EDRF1: variants seen among roughly 807,000 people sequenced by gnomAD.
The protein encoded by EDRF1 is erythroid differentiation-related factor 1.
Under a neutral mutation model 148.7 loss-of-function variants are expected in EDRF1, and 69 were observed. The observed-to-expected ratio is 0.46, with a 90% CI of 0.38 to 0.57. The LOEUF is 0.57. Among genes scored for constraint, EDRF1 ranks in the 20% least tolerant of loss-of-function variants. EDRF1 has a pLI of 0.00. For missense variants in EDRF1, 1,118 were observed against 1,478.7 expected (o/e 0.76, Z 4.00); for synonymous variants, 515 against 532.8 (o/e 0.97, Z 0.46).
chr10:125,745,541 T>A lies in EDRF1; in HGVS notation c.2591-166T>A, dbSNP rs1226097070. ...TGAACTCATATGGACACGTTTACCT[T>A]CATGTAACAGGCATGGTGAGAGCAA... is the stretch of plus-strand genomic sequence containing the variant. On this transcript the variant is annotated intron_variant, in intron 18 of 24. Coordinates refer to ENST00000356792, the MANE Select transcript of EDRF1 (RefSeq NM_001202438.2). 4 of 682,948 alleles carry A rather than the reference T, an allele frequency of 5.9e-6. No individual in the cohort carries two copies. The East Asian group carries it at 1.1e-4, about 18-fold the overall frequency. The allele number at this position is 682,948 out of a possible 1,614,324, so 42.3% of individuals were successfully genotyped here.
chr10:125,725,470 G>A, intron 5 of EDRF1, 28 bp downstream of exon 5: 1 of 1,612,764 alleles, frequency 6.2e-7, no homozygotes, highest in South Asian at 1.1e-5. Flanking sequence ...TATCTCTAAA[G>A]AGAAAAAGGG....
At position 125,735,625 on chromosome 10, in the gene EDRF1, T is replaced by C. The variant is rs76449996; in HGVS notation, c.1498-19T>C. Reference sequence around the variant, plus strand: ...TTTTGATGACAGTAATTTACACATATTTCTCTCTTTTTCATAAGATTATTG... The same window carrying C: ...TTTTGATGACAGTAATTTACACATACTTCTCTCTTTTTCATAAGATTATTG... On this transcript the variant is annotated intron_variant, in intron 12 of 24. Coordinates refer to ENST00000356792, the MANE Select transcript of EDRF1 (RefSeq NM_001202438.2). The C allele has an allele frequency of 2.5e-3, 3,962 of 1,609,214 alleles. 92 individuals are homozygous for C. The African/African-American group carries it at 0.047, about 19-fold the overall frequency.
intron 6 of EDRF1, 105 bp downstream of exon 6, chr10:125,725,943 G>T: frequency 7.9e-7 from 1 of 1,270,266 alleles, no homozygotes. Flanking sequence ...GAAATATTCT[G>T]TCAGCTTATG....
intron 19 of EDRF1, 72 bp downstream of exon 19, chr10:125,746,002 C>T (rs1589855696): frequency 7.1e-7 from 1 of 1,418,302 alleles, no homozygotes; most frequent in East Asian, 2.3e-5. Flanking sequence ...GCCAGTTTCA[C>T]TAAAATACTA....
At chr10:125,753,558 G>A (rs542087945) in intron 23 of EDRF1, 136 bp from the exon 24 acceptor site, 594 of 910,226 alleles carry the variant, frequency 6.5e-4, no homozygotes, top group Non-Finnish European at 9.8e-4. Flanking sequence ...ATGATCATAG[G>A]TGTGCTTTTT....
intron 24 of EDRF1, chr10:125,761,153 T>G: frequency 3.0e-6 from 1 of 333,230 alleles, no homozygotes; most frequent in South Asian, 2.4e-5. Context: ...AATCTTAAGT[T>G]TATTAGATTC....
chr10:125,759,654 T>A (rs1850091199), intron 24 of EDRF1, among the ~76,000 whole-genome samples: 1 of 152,076 alleles, frequency 6.6e-6, no homozygotes, highest in Admixed American at 6.6e-5. Flanking sequence ...AAATGGCTTT[T>A]GAATAATTCT....
At chr10:125,749,813 G>A in intron 22 of EDRF1, 1 of 487,710 alleles carries the variant, frequency 2.1e-6, no homozygotes, top group Non-Finnish European at 3.7e-6. Flanking sequence ...CCCCTAGTTT[G>A]GAAAAAAAAT....
chr10:125,733,551 G>A lies in EDRF1; in HGVS notation c.1276G>A (p.Ala426Thr), dbSNP rs750269268. 6.9e-5 allele frequency: 111 copies of A among 1,604,596 alleles called. No individual in the cohort carries two copies. In the Middle Eastern group the frequency reaches 1.2e-3, roughly 17 times the overall value. Reference sequence around the variant, plus strand: ...AGGACATACCTATTGGCTCTTTAAAGGTAAGCTATTAATACTTCTTGAGTG... The same window carrying A: ...AGGACATACCTATTGGCTCTTTAAAAGTAAGCTATTAATACTTCTTGAGTG... ...KEGHTYWLFK[A>T]SGSDIVKLYD... Residue 426 changes from alanine to threonine, a missense_variant and splice_region_variant, in exon 10 of 25, where the codon GCA (alanine) becomes ACA (threonine). Around this residue, in one of 3 missense-constraint regions of EDRF1, gnomAD observed 954 missense variants for 1,241.4 expected, o/e 0.77. Transcript: ENST00000356792.
rs1305240882 is a variant in EDRF1, at chr10:125,763,583, G to T, written c.*111G>T. 31 of 1,212,424 alleles carry T rather than the reference G, an allele frequency of 2.6e-5. No homozygotes were observed. Among genetic ancestry groups the T allele is most frequent in the Non-Finnish European group, 3.5e-5 (30 of 858,672 alleles). 75.1% of individuals were successfully genotyped at this position (1,212,424 alleles called of 1,614,324 possible). A position where few individuals can be genotyped will look rare whatever the true frequency, so the allele number is the denominator to read the frequency against. ...ATAGGGAAATATCCATTTAAAACAG[G>T]TATATCAGTGGAAACACAGAGTTAT... On this transcript the variant is annotated 3_prime_UTR_variant, in exon 25 of 25. Coordinates refer to ENST00000356792, the MANE Select transcript of EDRF1 (RefSeq NM_001202438.2). The surrounding 1 kb of genome is among the most constrained non-coding windows in gnomAD (Gnocchi z 4.3).
intron 9 of EDRF1, 72 bp from the exon 10 acceptor site, chr10:125,733,332 C>G: frequency 7.8e-7 from 1 of 1,278,958 alleles, no homozygotes; most frequent in Non-Finnish European, 1.1e-6. Context: ...CATTTGGTTG[C>G]TTTTTAAAAA....
intron 18 of EDRF1, chr10:125,745,209 A>C: frequency 5.5e-6 from 1 of 181,568 alleles, no homozygotes; most frequent in Non-Finnish European, 1.2e-5. Context: ...ATCATAGACT[A>C]GGTGACATAA....
At chr10:125,746,566 T>A (rs932135160) in intron 19 of EDRF1, 6 of 152,220 alleles carry the variant, frequency 3.9e-5, no homozygotes, top group African/African-American at 1.5e-4. Context: ...TAAAAGAAAA[T>A]TTTCAAAGTT....
intron 19 of EDRF1, 92 bp from the exon 20 acceptor site, chr10:125,747,444 A>T: frequency 1.5e-6 from 2 of 1,339,758 alleles, no homozygotes; most frequent in Admixed American, 3.4e-5. Context: ...TTAAATTAAC[A>T]TCTGGGTAGT....
chr10:125,719,743 TGGGCCTGCG>T lies in EDRF1; in HGVS notation c.-64_-56del. On this transcript the variant is annotated 5_prime_UTR_variant, in exon 1 of 25. Coordinates refer to ENST00000356792, the MANE Select transcript of EDRF1 (RefSeq NM_001202438.2). The stretch of plus-strand genomic sequence containing the variant: ...AGCGTCTCTGGCGCTTACCCTGCTT[TGGGCCTGCG>T]TTGCTGCTGCTGCTCCTCCGCTCCC... The T allele has an allele frequency of 2.2e-6, 3 of 1,347,780 alleles. No individual in the cohort carries two copies. The highest frequency in any genetic ancestry group is 3.1e-6 in the Non-Finnish European group (3 of 971,162). The allele number at this position is 1,347,780 out of a possible 1,614,324, so 83.5% of individuals were successfully genotyped here. A position where few individuals can be genotyped will look rare whatever the true frequency, so the allele number is the denominator to read the frequency against.
rs774576418 is a variant in EDRF1 at position 125,747,670 on chromosome 10, G to A, written c.2949G>A (p.Pro983=). The change falls in exon 20 of 25, where the codon CCG becomes CCA. Residue 983 remains proline, a synonymous_variant. Coordinates refer to ENST00000356792, the MANE Select transcript of EDRF1 (RefSeq NM_001202438.2). ...TMATLQQDYA[P]LSRKAQEQIE... is the part of the protein sequence containing the mutation. Reference sequence around the variant, plus strand: ...CAACTCTACAGCAAGATTATGCTCCGTTATCTAGAAAAGCTCAGGAGCAGG... The same window carrying A: ...CAACTCTACAGCAAGATTATGCTCCATTATCTAGAAAAGCTCAGGAGCAGG... 7.4e-6 allele frequency: 12 copies of A among 1,614,052 alleles called. No individual in the cohort carries two copies. Among genetic ancestry groups the A allele is most frequent in the Admixed American group, 3.3e-5 (2 of 60,006 alleles).
chr10:125,719,717 G>A lies in EDRF1; in HGVS notation c.-91G>A. On this transcript the variant is annotated 5_prime_UTR_variant, in exon 1 of 25. Coordinates refer to ENST00000356792, the MANE Select transcript of EDRF1 (RefSeq NM_001202438.2). ...GCAGAGACCGGAAGTGCGGTCCGCG[G>A]AGCGTCTCTGGCGCTTACCCTGCTT... 1.1e-6 allele frequency: 1 copy of A among 934,298 alleles called. No homozygotes were observed. The highest frequency in any genetic ancestry group is 3.0e-5 in the Admixed American group (1 of 33,832). The allele number at this position is 934,298 out of a possible 1,614,324, so 57.9% of individuals were successfully genotyped here.
In EDRF1 at chr10:125,728,991, C is replaced by T. The variant is rs1157756323; in HGVS notation, c.793-12C>T. 1.3e-5 allele frequency: 21 copies of T among 1,562,228 alleles called. No homozygotes were observed. Among genetic ancestry groups the T allele is most frequent in the African/African-American group, 2.7e-5 (2 of 74,118 alleles). On this transcript the variant is annotated splice_polypyrimidine_tract_variant and intron_variant, in intron 6 of 24. Transcript: ENST00000356792. The stretch of plus-strand genomic sequence containing the variant: ...ACAGCAGAATCACTCCTTATCCTTG[C>T]ACTTTTCACAGGGAAGTGAGCCTCT...
chr10:125,743,037 G>GT (rs1452061947), intron 17 of EDRF1, 21 bp from the exon 18 acceptor site: 1 of 1,611,832 alleles, frequency 6.2e-7, no homozygotes, highest in Non-Finnish European at 8.5e-7. Context: ...TCGCATTGAT[G>GT]TATCCCTTTT....
Sources: gnomAD v4.1 joint callset for allele counts (sites outside exome capture counted in the v4.1 genomes callset) on GRCh38, gnomAD v4.1.1 for gene constraint, gnomAD v4.1.1 regional missense constraint, Gnocchi (gnomAD v3.1) non-coding constraint, MANE v1.5 for transcripts, NCBI Gene and HGNC (gene_info 2026-07-23, HGNC 2026-07-21) for gene names.